Variants in ARHGAP39 observed in about 807,000 individuals in gnomAD.
ARHGAP39 encodes the protein Rho GTPase activating protein 39.
In ARHGAP39, 44 loss-of-function variants were observed where a neutral mutation model predicts 106.9. The observed-to-expected ratio is 0.41, with a 90% CI of 0.32 to 0.53. The LOEUF (loss-of-function observed/expected upper bound fraction) is 0.53, where lower values mean the gene tolerates loss of function less well. ARHGAP39 is among the 20% of genes least tolerant of loss of function. ARHGAP39 has a pLI of 0.21. For missense variants in ARHGAP39, 1,496 were observed against 1,577.3 expected (o/e 0.95, Z 0.87); for synonymous variants, 768 against 693.2 (o/e 1.11, Z -1.69).
intron 1 of ARHGAP39, among the ~76,000 whole-genome samples, chr8:144,659,338 A>C (rs1285841888): frequency 2.0e-5 from 3 of 152,236 alleles, no homozygotes; most frequent in Non-Finnish European, 4.4e-5. Context: ...CGTGCTGGGA[A>C]GCTGCTCATT....
intron 1 of ARHGAP39, among the ~76,000 whole-genome samples, chr8:144,676,481 T>C (rs1395646524): frequency 6.6e-6 from 1 of 151,602 alleles, no homozygotes; most frequent in Non-Finnish European, 1.5e-5. Flanking sequence ...CTGGTGCGTT[T>C]ACAAACCTTG....
intron 2 of ARHGAP39, among the ~76,000 whole-genome samples, chr8:144,603,320 T>G (rs1034211294): frequency 6.6e-6 from 1 of 151,914 alleles, no homozygotes; most frequent in Non-Finnish European, 1.5e-5. Flanking sequence ...TGCGTGTGCA[T>G]GTACCTGCAT....
In ARHGAP39 at chr8:144,547,545, C is replaced by A; in HGVS notation, c.1541G>T (p.Gly514Val). ...ATSATPTEGP[G>V]DLLVEQPLAE... ...CAGGGGCTGCTCCACAAGCAGGTCCCCGGGGCCCTCAGTGGGGGTGGCGCT... is the reference window on the plus strand; with the variant it reads ...CAGGGGCTGCTCCACAAGCAGGTCCACGGGGCCCTCAGTGGGGGTGGCGCT... Residue 514 changes from glycine (G) to valine (V), a missense_variant, in exon 5 of 12, where the codon GGG (glycine) becomes GTG (valine). Around this residue, in one of 4 missense-constraint regions of ARHGAP39, gnomAD observed 905 missense variants for 816.4 expected, o/e 1.11. Coordinates refer to ENST00000377307, the MANE Select transcript of ARHGAP39 (RefSeq NM_025251.3). This position sits in a 1 kb window ranked among gnomAD's most constrained non-coding sequence, Gnocchi z 5.2. The A allele has an allele frequency of 6.8e-7, 1 of 1,474,932 alleles. No homozygotes were observed. The highest frequency in any genetic ancestry group is 2.4e-5 in the East Asian group (1 of 41,442). 91.4% of individuals were successfully genotyped at this position (1,474,932 alleles called of 1,614,324 possible).
At chr8:144,638,400 A>T (rs990240710) in intron 1 of ARHGAP39, among the ~76,000 whole-genome samples, 1 of 152,236 alleles carries the variant, frequency 6.6e-6, no homozygotes, top group African/African-American at 2.4e-5. Flanking sequence ...ATCTTTCATC[A>T]GTTACAAAAT....
chr8:144,667,733 C>G lies in ARHGAP39; in HGVS notation c.-82+17953G>C, dbSNP rs550046695. ...TACTAGTTGTGTGACCCTGGTGGGT[C>G]ACAGCCCTCTCCAACCTTGGTTTCC... On this transcript the variant is annotated intron_variant, in intron 1 of 11. Transcript: ENST00000377307. Among the ~76,000 whole-genome samples, 11 of 152,318 alleles carry G rather than the reference C, an allele frequency of 7.2e-5. No individual in the cohort carries two copies. In the East Asian group the frequency reaches 2.1e-3, roughly 29 times the overall value.
chr8:144,659,381 T>G (rs1158473188), intron 1 of ARHGAP39, among the ~76,000 whole-genome samples: 1 of 152,198 alleles, frequency 6.6e-6, no homozygotes, highest in Non-Finnish European at 1.5e-5. Context: ...TTAGATATGA[T>G]CAAACGATGT....
At chr8:144,654,655 G>A (rs992438344) in intron 1 of ARHGAP39, among the ~76,000 whole-genome samples, 3 of 151,320 alleles carry the variant, frequency 2.0e-5, no homozygotes, top group South Asian at 2.1e-4. Context: ...CAGGAGCCCC[G>A]CCCCTTCTGA....
intron 3 of ARHGAP39, among the ~76,000 whole-genome samples, chr8:144,577,161 G>C (rs1315073352): frequency 6.6e-6 from 1 of 152,202 alleles, no homozygotes; most frequent in Non-Finnish European, 1.5e-5. Context: ...GTGTTTAACT[G>C]CAGGCATGAG....
chr8:144,639,336 A>G (rs1194962702), intron 1 of ARHGAP39, among the ~76,000 whole-genome samples: 1 of 151,526 alleles, frequency 6.6e-6, no homozygotes, highest in Non-Finnish European at 1.5e-5. Context: ...AAAAAAAAAA[A>G]AAAAAGAAAG....
chr8:144,620,427 G>A lies in ARHGAP39; in HGVS notation c.-81-14732C>T, dbSNP rs1411903917. Among the ~76,000 whole-genome samples, 146 of 93,250 alleles carry A rather than the reference G, an allele frequency of 1.6e-3. 1 individual carries two copies. The highest frequency in any genetic ancestry group is 6.0e-3 in the African/African-American group (126 of 20,864). The allele number at this position is 93,250 out of a possible 152,430, so 61.2% of individuals were successfully genotyped here. Reference sequence around the variant, plus strand: ...TGTTAGCCTGTGTGTCCAAGGGAGCGTGTGTGCCCGTGTCTGTTAGCCTGT... The same window carrying A: ...TGTTAGCCTGTGTGTCCAAGGGAGCATGTGTGCCCGTGTCTGTTAGCCTGT... On this transcript the variant is annotated intron_variant, in intron 1 of 11. Transcript: ENST00000377307.
the ARHGAP39 span, among the ~76,000 whole-genome samples, chr8:144,691,510 G>A: frequency 9.9e-3 from 1,505 of 152,162 alleles, 20 homozygotes; most frequent in African/African-American, 0.035. Flanking sequence ...GTGTCTAGTA[G>A]GCAGGCACAC....
intron 10 of ARHGAP39, 64 bp from the exon 11 acceptor site, chr8:144,530,935 C>G: frequency 6.5e-7 from 1 of 1,547,634 alleles, no homozygotes; most frequent in Non-Finnish European, 8.7e-7. Flanking sequence ...AAATGGGGTC[C>G]CGTGGCGGAC....
chr8:144,624,167 G>A (rs1820878699), intron 1 of ARHGAP39, among the ~76,000 whole-genome samples: 1 of 152,206 alleles, frequency 6.6e-6, no homozygotes, highest in African/African-American at 2.4e-5. Flanking sequence ...GGCCCTGTAA[G>A]CCACACCCAC....
chr8:144,602,018 CGTGT>C (rs537362460), intron 2 of ARHGAP39, among the ~76,000 whole-genome samples: 26 of 105,040 alleles, frequency 2.5e-4, no homozygotes, highest in Admixed American at 6.7e-4. Flanking sequence ...TGCATGGAGG[CGTGT>C]GTGTGCTCGT....
chr8:144,568,358 A>AC (rs2130880541), intron 3 of ARHGAP39, among the ~76,000 whole-genome samples: 2 of 149,640 alleles, frequency 1.3e-5, no homozygotes, highest in East Asian at 3.9e-4. Flanking sequence ...AAAAAAAAAA[A>AC]GATGGAAGAC....
chr8:144,569,305 T>C (rs1487898283), intron 3 of ARHGAP39, among the ~76,000 whole-genome samples: 1 of 152,228 alleles, frequency 6.6e-6, no homozygotes, highest in Non-Finnish European at 1.5e-5. Flanking sequence ...CCTGGGTATT[T>C]TCTGAGAGAA....
chr8:144,577,603 T>A (rs1224256488), intron 3 of ARHGAP39, among the ~76,000 whole-genome samples: 1 of 152,202 alleles, frequency 6.6e-6, no homozygotes, highest in Non-Finnish European at 1.5e-5. Context: ...TAACCACAGA[T>A]GACATAGTCC....
chr8:144,581,167 G>T lies in ARHGAP39; in HGVS notation c.191C>A (p.Thr64Asn). 6.4e-7 allele frequency: 1 copy of T among 1,571,708 alleles called. No individual in the cohort carries two copies. The highest frequency in any genetic ancestry group is 1.2e-5 in the South Asian group (1 of 85,750). ...DPPAGVRIKR[T>N]SENQWWELFD... ...CAGCTCCCACCACTGGTTCTCGCTGGTGCGCTTGATGCGGACGCCGGCCGG... is the reference window on the plus strand; with the variant it reads ...CAGCTCCCACCACTGGTTCTCGCTGTTGCGCTTGATGCGGACGCCGGCCGG... Residue 64 changes from threonine to asparagine, a missense_variant, in exon 3 of 12, where the codon ACC becomes AAC. This residue lies in a region of ARHGAP39 where 96 missense variants were observed against 107.9 expected (regional missense o/e 0.89). Transcript: ENST00000377307.
chr8:144,557,943 GATC>G (rs1818006980), intron 3 of ARHGAP39, among the ~76,000 whole-genome samples: 2 of 152,238 alleles, frequency 1.3e-5, no homozygotes, highest in East Asian at 3.8e-4. Flanking sequence ...ACATAAAAAT[GATC>G]ATCAATTGTC....
Sources: allele counts gnomAD v4.1 joint callset (sites outside exome capture counted in the v4.1 genomes callset), GRCh38; gene constraint gnomAD v4.1.1; regional missense constraint gnomAD v4.1.1; non-coding constraint Gnocchi (gnomAD v3.1); transcripts MANE v1.5; gene names NCBI Gene and HGNC (gene_info 2026-07-23, HGNC 2026-07-21).